ANGPT1: variants seen among roughly 807,000 people sequenced by gnomAD.
ANGPT1 encodes the protein angiopoietin-1.
ANGPT1 carries 17 observed loss-of-function variants against 62.2 expected under a neutral mutation model. The observed-to-expected ratio is 0.27, with a 90% CI of 0.19 to 0.41. ANGPT1 has a LOEUF of 0.41. Among genes scored for constraint, ANGPT1 ranks in the 10% least tolerant of loss-of-function variants. The probability of loss-of-function intolerance (pLI) is 1.00; values close to 1 mark genes in which losing one functional copy is unlikely to be tolerated. For missense variants in ANGPT1, 478 were observed against 594.9 expected, an observed-to-expected ratio of 0.80 and a Z score of 2.04; for synonymous variants, 199 against 198.9, an observed-to-expected ratio of 1.00 and a Z score of 0.00.
At chr8:107,440,603 T>C (rs975729673) in intron 1 of ANGPT1, among the ~76,000 whole-genome samples, 2 of 152,364 alleles carry the variant, frequency 1.3e-5, no homozygotes, top group African/African-American at 4.8e-5. Flanking sequence ...TTCGCACTTG[T>C]GCTAAATTAA....
intron 1 of ANGPT1, among the ~76,000 whole-genome samples, chr8:107,459,489 A>AAACAACAAC (rs139781448): frequency 4.5e-4 from 67 of 150,076 alleles, no homozygotes; most frequent in South Asian, 1.3e-3. Context: ...ACTCCTTATC[A>AAACAACAAC]AACAACAACA....
intron 1 of ANGPT1, among the ~76,000 whole-genome samples, chr8:107,351,492 G>T (rs1563581588): frequency 6.6e-6 from 1 of 151,904 alleles, no homozygotes; most frequent in Non-Finnish European, 1.5e-5. Flanking sequence ...GGACTGGTTG[G>T]CTGGATGATT....
At chr8:107,486,167 C>T (rs1294651698) in intron 1 of ANGPT1, among the ~76,000 whole-genome samples, 1 of 152,142 alleles carries the variant, frequency 6.6e-6, no homozygotes, top group African/African-American at 2.4e-5. Flanking sequence ...AGGGTTTAGA[C>T]ACAAAGACAA....
At chr8:107,299,911 ATATAC>A (rs1271653740) in intron 5 of ANGPT1, among the ~76,000 whole-genome samples, 1 of 129,600 alleles carries the variant, frequency 7.7e-6, no homozygotes, top group African/African-American at 2.8e-5. Flanking sequence ...TTATATCTAG[ATATAC>A]TATATATCTA....
At chr8:107,385,001 C>T (rs1816706358) in intron 1 of ANGPT1, among the ~76,000 whole-genome samples, 1 of 152,056 alleles carries the variant, frequency 6.6e-6, no homozygotes, top group Admixed American at 6.6e-5. Flanking sequence ...CAGTACCATG[C>T]TATTTTAGTT....
chr8:107,455,067 T>C (rs1351262082), intron 1 of ANGPT1, among the ~76,000 whole-genome samples: 1 of 152,034 alleles, frequency 6.6e-6, no homozygotes, highest in Non-Finnish European at 1.5e-5. Flanking sequence ...AACCTAAAAA[T>C]AGCTCCCAGA....
Position 107,293,927 on chromosome 8 carries a change from G to C in ANGPT1, c.1038+9C>G, listed in dbSNP as rs10505104. 30,481 of 1,603,168 alleles carry C rather than the reference G, an allele frequency of 0.019. 637 individuals are homozygous for C. Among genetic ancestry groups the C allele is most frequent in the African/African-American group, 0.097 (7,202 of 74,582 alleles). On this transcript the variant is annotated intron_variant, in intron 6 of 8. Transcript: ENST00000517746. ...ACACCAAAAAGCACCATAAATTCTT[G>C]CATCTTACCATTTTATATTCCTTCC...
intron 4 of ANGPT1, among the ~76,000 whole-genome samples, chr8:107,307,320 A>T (rs1814742397): frequency 1.3e-5 from 2 of 151,634 alleles, no homozygotes; most frequent in African/African-American, 4.8e-5. Flanking sequence ...GTAAATCCCA[A>T]CCCCCAGATG....
chr8:107,410,798 A>C (rs1362221018), intron 1 of ANGPT1, among the ~76,000 whole-genome samples: 1 of 152,186 alleles, frequency 6.6e-6, no homozygotes, highest in Admixed American at 6.6e-5. Context: ...AACAAAGTGA[A>C]ATCTTAGCTT....
At chr8:107,339,483 A>G (rs534389045) in intron 2 of ANGPT1, among the ~76,000 whole-genome samples, 1 of 152,242 alleles carries the variant, frequency 6.6e-6, no homozygotes, top group East Asian at 1.9e-4. Context: ...TCCTAGATGC[A>G]TGGCTGATTT....
intron 1 of ANGPT1, among the ~76,000 whole-genome samples, chr8:107,476,999 A>G (rs968782372): frequency 6.6e-6 from 1 of 152,104 alleles, no homozygotes; most frequent in Non-Finnish European, 1.5e-5. Context: ...GCCACTCTCC[A>G]TAGCACCCCA....
At chr8:107,300,095 A>C (rs1231081123) in intron 5 of ANGPT1, among the ~76,000 whole-genome samples, 2 of 144,762 alleles carry the variant, frequency 1.4e-5, no homozygotes, top group African/African-American at 5.0e-5. Context: ...AGATCTATAT[A>C]TATCTCTATA....
chr8:107,306,473 C>T (rs1814720617), intron 4 of ANGPT1, among the ~76,000 whole-genome samples: 1 of 152,056 alleles, frequency 6.6e-6, no homozygotes, highest in African/African-American at 2.4e-5. Context: ...TATATGTCAA[C>T]ATGTTGGTTA....
chr8:107,386,251 G>A (rs922704347), intron 1 of ANGPT1, among the ~76,000 whole-genome samples: 22 of 152,098 alleles, frequency 1.4e-4, no homozygotes, highest in Middle Eastern at 6.8e-3. Context: ...GAGGATGGAG[G>A]GTAGGAGGAG....
chr8:107,253,174 G>T (rs997355426), intron 8 of ANGPT1, among the ~76,000 whole-genome samples: 1 of 152,192 alleles, frequency 6.6e-6, no homozygotes, highest in Non-Finnish European at 1.5e-5. Context: ...CACAAGGTAT[G>T]TCTTGATGAA....
In ANGPT1 at chr8:107,408,573, C is replaced by A. The variant is rs546574278; in HGVS notation, c.298-61476G>T. Among the ~76,000 whole-genome samples, 9 of 152,256 alleles carry A rather than the reference C, an allele frequency of 5.9e-5. No individual in the cohort carries two copies. In the East Asian group the frequency reaches 1.7e-3, roughly 29 times the overall value. Reference sequence around the variant, plus strand: ...GAACTGCTACTGTTCAAAGTCAACCCATCCAACTCCTTGAGAAGTACAACT... The same window carrying A: ...GAACTGCTACTGTTCAAAGTCAACCAATCCAACTCCTTGAGAAGTACAACT... On this transcript the variant is annotated intron_variant, in intron 1 of 8. Transcript: ENST00000517746.
intron 7 of ANGPT1, among the ~76,000 whole-genome samples, chr8:107,271,419 A>T (rs1813732039): frequency 6.6e-6 from 1 of 152,098 alleles, no homozygotes; most frequent in Non-Finnish European, 1.5e-5. Flanking sequence ...GTAGTTCAAT[A>T]GGCATGAATT....
intron 4 of ANGPT1, among the ~76,000 whole-genome samples, chr8:107,320,199 T>C (rs896861553): frequency 4.6e-5 from 7 of 152,170 alleles, no homozygotes; most frequent in Non-Finnish European, 8.8e-5. Flanking sequence ...GATGTTTGCT[T>C]CCCTGATATT....
intron 1 of ANGPT1, among the ~76,000 whole-genome samples, chr8:107,409,719 C>CT (rs5893860): frequency 0.48 from 71,282 of 149,240 alleles, 18,511 homozygotes; most frequent in Middle Eastern, 0.6. Context: ...TGAAAAATGC[C>CT]TTTTTTTTTT....
Sources: gnomAD v4.1 joint callset for allele counts (sites outside exome capture counted in the v4.1 genomes callset) on GRCh38, gnomAD v4.1.1 for gene constraint, MANE v1.5 for transcripts, NCBI Gene and HGNC (gene_info 2026-07-23, HGNC 2026-07-21) for gene names.